FRMD6: variants seen among roughly 807,000 people sequenced by gnomAD.
FRMD6 encodes the protein FERM domain containing 6.
A neutral mutation model predicts 73.2 loss-of-function variants in FRMD6; 37 were observed. The ratio of observed to expected loss-of-function variants is 0.51; its 90% CI spans 0.39 to 0.66. The LOEUF (loss-of-function observed/expected upper bound fraction) is 0.66. Ranked by LOEUF, FRMD6 falls within the 30% of genes least tolerant of loss-of-function variation. The pLI, the probability that FRMD6 is intolerant of heterozygous loss-of-function variation, is 0.00. For synonymous variants in FRMD6, 273 were observed against 282.2 expected (o/e 0.97, Z 0.33); for missense variants, 714 against 780.5 (o/e 0.91, Z 1.02).
the FRMD6 span, among the ~76,000 whole-genome samples, chr14:51,470,337 T>G: frequency 7.9e-5 from 12 of 152,106 alleles, no homozygotes; most frequent in Non-Finnish European, 4.4e-5. Flanking sequence ...GCCGATATGG[T>G]GAAACCCTGT....
chr14:51,725,066 T>G (rs1897873563), intron 12 of FRMD6, among the ~76,000 whole-genome samples: 1 of 152,210 alleles, frequency 6.6e-6, no homozygotes, highest in South Asian at 2.1e-4. Flanking sequence ...GGGGATCTGC[T>G]GCAGGAGGTA....
At chr14:51,511,039 A>G (rs1454086369) in intron 1 of FRMD6, among the ~76,000 whole-genome samples, 3 of 151,954 alleles carry the variant, frequency 2.0e-5, no homozygotes, top group African/African-American at 7.3e-5. Context: ...GCTGCTTGGT[A>G]AAGCCATTTC....
At chr14:51,439,538 A>G in the FRMD6 span, among the ~76,000 whole-genome samples, 1 of 152,138 alleles carries the variant, frequency 6.6e-6, no homozygotes, top group Non-Finnish European at 1.5e-5. Context: ...TTTTTAGTTC[A>G]GAAGAGAGTA....
intron 1 of FRMD6, among the ~76,000 whole-genome samples, chr14:51,566,343 T>A (rs1034719908): frequency 6.6e-6 from 1 of 152,188 alleles, no homozygotes; most frequent in African/African-American, 2.4e-5. Context: ...AAAGAATCGA[T>A]TGTCCAGAGT....
intron 2 of FRMD6, among the ~76,000 whole-genome samples, chr14:51,597,812 A>G (rs889026977): frequency 1.3e-5 from 2 of 152,238 alleles, no homozygotes; most frequent in Admixed American, 6.5e-5. Flanking sequence ...TCCAAGGTCT[A>G]GCACTCAGGG....
At chr14:51,453,287 G>A in the FRMD6 span, among the ~76,000 whole-genome samples, 1 of 152,090 alleles carries the variant, frequency 6.6e-6, no homozygotes, top group Non-Finnish European at 1.5e-5. Flanking sequence ...GGGGCTGGCA[G>A]GGAGGATCCA....
chr14:51,458,788 T>C, the FRMD6 span, among the ~76,000 whole-genome samples: 4 of 152,218 alleles, frequency 2.6e-5, no homozygotes, highest in African/African-American at 9.7e-5. Context: ...CAAGCCATGA[T>C]GTACTCTAGG....
chr14:51,583,902 T>C (rs1249246319), intron 2 of FRMD6, among the ~76,000 whole-genome samples: 1 of 152,060 alleles, frequency 6.6e-6, no homozygotes, highest in Non-Finnish European at 1.5e-5. Flanking sequence ...GAAGCTGGGG[T>C]TTAGAAATGA....
chr14:51,648,781 G>C (rs1892194021), upstream of FRMD6, among the ~76,000 whole-genome samples: 1 of 152,130 alleles, frequency 6.6e-6, no homozygotes, highest in Non-Finnish European at 1.5e-5. Context: ...CCCTTTGCCT[G>C]GTGCATGGGA....
At chr14:51,567,112 C>A (rs562126928) in intron 1 of FRMD6, among the ~76,000 whole-genome samples, 14 of 152,258 alleles carry the variant, frequency 9.2e-5, no homozygotes, top group African/African-American at 3.4e-4. Context: ...TACTCAGCTC[C>A]GGTTCATGCA....
the FRMD6 span, among the ~76,000 whole-genome samples, chr14:51,455,664 G>A: frequency 6.6e-6 from 1 of 152,118 alleles, no homozygotes; most frequent in Non-Finnish European, 1.5e-5. Flanking sequence ...TCCAAGAGCA[G>A]GAGAACACTG....
chr14:51,411,186 C>A, the FRMD6 span, among the ~76,000 whole-genome samples: 103 of 152,260 alleles, frequency 6.8e-4, 1 homozygote, highest in African/African-American at 2.5e-3. Flanking sequence ...CGAGTGGTCT[C>A]ATAAGCAAAG....
At chr14:51,586,549 T>C (rs1889061869) in intron 2 of FRMD6, among the ~76,000 whole-genome samples, 1 of 152,178 alleles carries the variant, frequency 6.6e-6, no homozygotes, top group African/African-American at 2.4e-5. Context: ...TGATTGTTTC[T>C]TTTTGCTGTG....
At chr14:51,427,659 T>C in the FRMD6 span, among the ~76,000 whole-genome samples, 1 of 152,252 alleles carries the variant, frequency 6.6e-6, no homozygotes, top group African/African-American at 2.4e-5. Flanking sequence ...ACTTCAAACA[T>C]GCTGTTCCCG....
chr14:51,677,855 T>A (rs1894504468), intron 1 of FRMD6, among the ~76,000 whole-genome samples: 1 of 152,092 alleles, frequency 6.6e-6, no homozygotes, highest in Non-Finnish European at 1.5e-5. Flanking sequence ...AGGTAGAGAT[T>A]CAGTATTCTT....
At chr14:51,629,654 TTG>T (rs1380767434) in intron 2 of FRMD6, among the ~76,000 whole-genome samples, 1 of 152,216 alleles carries the variant, frequency 6.6e-6, no homozygotes. Context: ...GCTTAGTTTC[TTG>T]TGTTAGTTAA....
At chr14:51,635,915 T>C (rs1318721852) in intron 2 of FRMD6, among the ~76,000 whole-genome samples, 1 of 152,174 alleles carries the variant, frequency 6.6e-6, no homozygotes, top group East Asian at 1.9e-4. Flanking sequence ...AATAAAACAA[T>C]CCCGTAGTGT....
the FRMD6 span, among the ~76,000 whole-genome samples, chr14:51,430,141 T>C: frequency 2.0e-5 from 3 of 152,242 alleles, no homozygotes; most frequent in African/African-American, 7.2e-5. Context: ...AGATGTTCAA[T>C]GCCATGGGCT....
chr14:51,605,312 A>G (rs958391402), intron 2 of FRMD6, among the ~76,000 whole-genome samples: 24 of 151,936 alleles, frequency 1.6e-4, no homozygotes, highest in Admixed American at 3.9e-4. Flanking sequence ...GTCCCTGGGT[A>G]CTTGAGATTA....
Sources: gnomAD v4.1 joint callset for allele counts (sites outside exome capture counted in the v4.1 genomes callset) on GRCh38, gnomAD v4.1.1 for gene constraint, MANE v1.5 for transcripts, NCBI Gene and HGNC (gene_info 2026-07-23, HGNC 2026-07-21) for gene names.